The following HACL1 variants were observed in gnomAD, a reference collection of about 807,000 sequenced individuals.
The protein encoded by HACL1 is 2-hydroxyacyl-CoA lyase 1.
In HACL1, 64 loss-of-function variants were observed where a neutral mutation model predicts 74.2. The observed-to-expected ratio is 0.86, with a 90% CI of 0.70 to 1.06. The LOEUF (loss-of-function observed/expected upper bound fraction) is 1.06. Ranked by LOEUF, HACL1 falls within the 50% of genes least tolerant of loss-of-function variation. HACL1 has a pLI of 0.00. For missense variants in HACL1, 728 were observed against 719.7 expected (o/e 1.01, Z -0.13); for synonymous variants, 230 against 238.8 (o/e 0.96, Z 0.34).
At chr3:15,586,401 C>A in intron 6 of HACL1, 124 bp downstream of exon 6, 1 of 587,086 alleles carries the variant, frequency 1.7e-6, no homozygotes, top group Non-Finnish European at 3.1e-6. Flanking sequence ...TCTAACAATG[C>A]CATTTTTAAC....
chr3:15,562,376 T>C (rs771734595), intron 16 of HACL1, among the ~76,000 whole-genome samples: 8 of 152,208 alleles, frequency 5.3e-5, no homozygotes, highest in Non-Finnish European at 8.8e-5. Context: ...CTCCTCTCTC[T>C]GCTAGGAAGT....
At chr3:15,582,257 C>G (rs894891511) in intron 8 of HACL1, among the ~76,000 whole-genome samples, 1 of 152,138 alleles carries the variant, frequency 6.6e-6, no homozygotes, top group African/African-American at 2.4e-5. Flanking sequence ...ACAATATACA[C>G]TAAAAGTCTT....
chr3:15,565,599 C>A (rs1437110684), intron 14 of HACL1, among the ~76,000 whole-genome samples: 1 of 152,154 alleles, frequency 6.6e-6, no homozygotes, highest in African/African-American at 2.4e-5. Flanking sequence ...AACATAATTT[C>A]CAAGGGCAAG....
At chr3:15,573,273 C>T (rs1413956973) in intron 10 of HACL1, 31 bp from the exon 11 acceptor site, 1 of 1,303,900 alleles carries the variant, frequency 7.7e-7, no homozygotes, top group African/African-American at 1.4e-5. Flanking sequence ...AAGAACAACC[C>T]ATGTTTATTC....
rs757711833 is a variant in HACL1 at position 15,601,561 on chromosome 3, T to G, written c.-98A>C. 4 of 1,602,250 alleles carry G rather than the reference T, an allele frequency of 2.5e-6. No homozygotes were observed. Among genetic ancestry groups the G allele is most frequent in the Non-Finnish European group, 3.4e-6 (4 of 1,178,376 alleles). On this transcript the variant is annotated 5_prime_UTR_variant, in exon 1 of 17. Coordinates refer to ENST00000321169, the MANE Select transcript of HACL1 (RefSeq NM_012260.4). Reference sequence around the variant, plus strand: ...ATCGGCAGCACGCCACCTCTGGTACTGCACCTCTGACGGACAGGAGGGCAA... The same window carrying G: ...ATCGGCAGCACGCCACCTCTGGTACGGCACCTCTGACGGACAGGAGGGCAA...
intron 9 of HACL1, among the ~76,000 whole-genome samples, 175 bp from the exon 10 acceptor site, chr3:15,575,257 T>C (rs546943209): frequency 6.6e-6 from 1 of 152,278 alleles, no homozygotes; most frequent in East Asian, 1.9e-4. Context: ...AACCATTCTA[T>C]ATAAATAGTT....
intron 12 of HACL1, among the ~76,000 whole-genome samples, chr3:15,569,646 G>A (rs1293141320): frequency 6.6e-6 from 1 of 151,972 alleles, no homozygotes; most frequent in Non-Finnish European, 1.5e-5. Flanking sequence ...ACATGGAGAA[G>A]CTCTGTCTCT....
intron 1 of HACL1, 84 bp from the exon 2 acceptor site, chr3:15,601,278 A>AT: frequency 6.4e-7 from 1 of 1,571,730 alleles, no homozygotes; most frequent in Non-Finnish European, 8.8e-7. Context: ...CGCTAAAAGG[A>AT]AAACCCCCCG....
chr3:15,578,609 A>G (rs1040539545), intron 9 of HACL1, among the ~76,000 whole-genome samples: 1 of 152,176 alleles, frequency 6.6e-6, no homozygotes, highest in Non-Finnish European at 1.5e-5. Context: ...GCTGGAGAGT[A>G]TGGGGGGAAA....
intron 3 of HACL1, among the ~76,000 whole-genome samples, chr3:15,595,604 C>CTTTT (rs764183329): frequency 1.2e-4 from 12 of 97,334 alleles, no homozygotes; most frequent in East Asian, 3.0e-4. Context: ...ATCTTTTTTC[C>CTTTT]TTTTTTTTTT....
chr3:15,592,369 T>TGTAG lies in HACL1; in HGVS notation c.228-690_228-689insCTAC, dbSNP rs1356146219. 1.4e-3 allele frequency among the ~76,000 whole-genome samples: 207 copies of TGTAG among 150,588 alleles called. 2 individuals carry two copies. Among genetic ancestry groups the TGTAG allele is most frequent in the African/African-American group, 4.7e-3 (191 of 41,032 alleles). ...AGTATACTCTATATATATGTATACA[T>TGTAG]ACAGACACACGTATACACACACGTG... On this transcript the variant is annotated intron_variant, in intron 3 of 16. Coordinates refer to ENST00000321169, the MANE Select transcript of HACL1 (RefSeq NM_012260.4).
chr3:15,595,253 T>C (rs2064034706), intron 3 of HACL1, among the ~76,000 whole-genome samples: 1 of 152,212 alleles, frequency 6.6e-6, no homozygotes, highest in Admixed American at 6.5e-5. Context: ...GATTAAAATA[T>C]TTGTCATATG....
At chr3:15,585,470 T>A in intron 6 of HACL1, 128 bp from the exon 7 acceptor site, 2 of 610,850 alleles carry the variant, frequency 3.3e-6, no homozygotes, top group Non-Finnish European at 5.9e-6. Context: ...GAGAAAAAAA[T>A]AATTATGATG....
chr3:15,588,364 T>C (rs934915028), intron 5 of HACL1, among the ~76,000 whole-genome samples: 1 of 152,106 alleles, frequency 6.6e-6, no homozygotes, highest in Non-Finnish European at 1.5e-5. Flanking sequence ...GAGGCCAAGG[T>C]GGTGGATCAC....
intron 6 of HACL1, among the ~76,000 whole-genome samples, chr3:15,585,815 C>A (rs1163027213): frequency 6.6e-6 from 1 of 152,082 alleles, no homozygotes; most frequent in East Asian, 1.9e-4. Flanking sequence ...TATCTGTAAT[C>A]CAAAAATCCA....
chr3:15,567,088 G>A (rs573918748), intron 14 of HACL1, among the ~76,000 whole-genome samples: 1 of 151,980 alleles, frequency 6.6e-6, no homozygotes, highest in African/African-American at 2.4e-5. Flanking sequence ...CCAAAGTGTT[G>A]GGATTACGGG....
chr3:15,562,053 TTTTGG>T (rs1211287612), intron 16 of HACL1, among the ~76,000 whole-genome samples: 2 of 152,228 alleles, frequency 1.3e-5, no homozygotes, highest in Non-Finnish European at 2.9e-5. Context: ...AGGAGGGTGT[TTTTGG>T]TTACCAAACT....
chr3:15,584,604 C>T (rs2063763669), intron 7 of HACL1, among the ~76,000 whole-genome samples: 1 of 151,978 alleles, frequency 6.6e-6, no homozygotes, highest in Non-Finnish European at 1.5e-5. Flanking sequence ...AAAAAAAAAT[C>T]ACTCTTTGGT....
chr3:15,582,603 T>A (rs1416496198), intron 8 of HACL1, among the ~76,000 whole-genome samples: 2 of 152,216 alleles, frequency 1.3e-5, no homozygotes, highest in East Asian at 1.9e-4. Flanking sequence ...GAACTTCTAC[T>A]TTTCTTGATT....
Sources: gnomAD v4.1 joint callset for allele counts (sites outside exome capture counted in the v4.1 genomes callset) on GRCh38, gnomAD v4.1.1 for gene constraint, MANE v1.5 for transcripts, NCBI Gene and HGNC (gene_info 2026-07-23, HGNC 2026-07-21) for gene names.